IRAG2: variants seen among roughly 807,000 people sequenced by gnomAD.
IRAG2 encodes the protein lymphoid restricted membrane protein.
Under a neutral mutation model 69.9 loss-of-function variants are expected in IRAG2, and 45 were observed. That is an observed-to-expected ratio of 0.64 (90% confidence interval 0.51 to 0.83). The LOEUF is 0.83. IRAG2 is among the 40% of genes least tolerant of loss of function. IRAG2 has a pLI of 0.00. For synonymous variants in IRAG2, 193 were observed against 202.4 expected, an observed-to-expected ratio of 0.95 and a Z score of 0.40; for missense variants, 520 against 587.0, an observed-to-expected ratio of 0.89 and a Z score of 1.18.
exon 1 of IRAG2, chr12:25,004,901 C>A (rs1591920522): frequency 8.1e-7 from 1 of 1,230,978 alleles, no homozygotes; most frequent in East Asian, 3.2e-5. Context: ...AAAAAATTAT[C>A]TCTGAATGAA....
Position 25,035,695 on chromosome 12 carries a change from T to C in IRAG2, c.1786T>C (p.Ser596Pro), listed in dbSNP as rs41347844. 4.6e-3 allele frequency: 1,847 copies of C among 398,984 alleles called. 31 individuals carry two copies. The highest frequency in any genetic ancestry group is 0.034 in the African/African-American group (1,649 of 48,714). 24.7% of individuals were successfully genotyped at this position (398,984 alleles called of 1,614,324 possible). The stretch of plus-strand genomic sequence containing the variant: ...GCAGCACAATGTAATCAACTTGTCA[T>C]CTCTGGACGCCATGATGGATCAGGA... Residue 596 changes from serine to proline, a missense_variant, in exon 14 of 39, where the codon TCT (serine) becomes CCT (proline). Ser to Pro is a moderately conservative substitution (Grantham distance 74). Coordinates refer to the IRAG2 transcript ENST00000636465.
chr12:25,046,729 T>C (rs1944797882), intron 16 of IRAG2, among the ~76,000 whole-genome samples: 1 of 152,162 alleles, frequency 6.6e-6, no homozygotes. Context: ...GAAGAGATCA[T>C]GTTGTTTAAA....
chr12:25,076,287 T>A, intron 6 of IRAG2: 2 of 464,338 alleles, frequency 4.3e-6, no homozygotes, highest in South Asian at 1.9e-4. Flanking sequence ...AAATGGCTAC[T>A]AAACATAGGC....
chr12:25,084,542 T>G (rs1406079896), intron 10 of IRAG2, among the ~76,000 whole-genome samples: 10 of 131,332 alleles, frequency 7.6e-5, no homozygotes, highest in Non-Finnish European at 1.1e-4. Flanking sequence ...CATGGAGGGG[T>G]GTGTGTGTGT....
chr12:25,054,126 A>C (rs1486297537), intron 1 of IRAG2, among the ~76,000 whole-genome samples: 1 of 152,028 alleles, frequency 6.6e-6, no homozygotes, highest in Non-Finnish European at 1.5e-5. Context: ...TATTCAACAT[A>C]TTATTGTCAT....
chr12:25,091,536 A>C (rs1201694204), intron 14 of IRAG2, among the ~76,000 whole-genome samples: 21 of 152,164 alleles, frequency 1.4e-4, no homozygotes, highest in Admixed American at 1.4e-3. Context: ...GGCTATTGTG[A>C]ATAGTGCTGT....
chr12:25,015,373 G>C, exon 5 of IRAG2: 1 of 1,231,956 alleles, frequency 8.1e-7, no homozygotes, highest in East Asian at 3.2e-5. Context: ...AGATATAACA[G>C]ATTCTACATT....
intron 15 of IRAG2, among the ~76,000 whole-genome samples, chr12:25,037,460 G>A (rs781126761): frequency 4.6e-5 from 7 of 151,898 alleles, no homozygotes; most frequent in East Asian, 1.9e-4. Context: ...TACCACGCCC[G>A]GCTAATTTTT....
chr12:25,066,368 C>T lies in IRAG2; in HGVS notation c.-203C>T. 2.5e-6 allele frequency: 1 copy of T among 401,038 alleles called. No homozygotes were observed. Among genetic ancestry groups the T allele is most frequent in the Non-Finnish European group, 4.4e-6 (1 of 226,184 alleles). 24.8% of individuals were successfully genotyped at this position (401,038 alleles called of 1,614,324 possible). A position where few individuals can be genotyped will look rare whatever the true frequency, so the allele number is the denominator to read the frequency against. On this transcript the variant is annotated 5_prime_UTR_variant, in exon 5 of 22. Coordinates refer to ENST00000556887, the MANE Select transcript of IRAG2 (RefSeq NM_001366544.2). ...ATTTTTTTCTGTTCTACTGCAGATG[C>T]CTTATCTCTGGATAGTTTTACAGCA... is the stretch of plus-strand genomic sequence containing the variant.
At chr12:25,066,227 G>A in intron 4 of IRAG2, 138 bp from the exon 5 acceptor site, 1 of 386,054 alleles carries the variant, frequency 2.6e-6, no homozygotes. Context: ...TAGGCATCAA[G>A]GGAGTTTATG....
intron 2 of IRAG2, among the ~76,000 whole-genome samples, chr12:25,062,127 C>T (rs1945671298): frequency 1.3e-5 from 2 of 152,044 alleles, no homozygotes; most frequent in Non-Finnish European, 2.9e-5. Context: ...AAGTGTATTT[C>T]CTTCCCTTGT....
intron 9 of IRAG2, among the ~76,000 whole-genome samples, chr12:25,080,098 G>C (rs1026576301): frequency 6.6e-5 from 10 of 152,270 alleles, no homozygotes; most frequent in Admixed American, 1.3e-4. Flanking sequence ...GACATCATCT[G>C]CTTAGGAAAT....
chr12:25,010,308 C>T (rs1248371678), intron 2 of IRAG2, among the ~76,000 whole-genome samples: 1 of 152,142 alleles, frequency 6.6e-6, no homozygotes, highest in East Asian at 1.9e-4. Context: ...GGAATCCCAT[C>T]TGTACAAAAA....
intron 16 of IRAG2, 94 bp from the exon 17 acceptor site, chr12:25,102,104 T>A (rs1948788793): frequency 2.3e-6 from 2 of 876,294 alleles, no homozygotes; most frequent in African/African-American, 3.3e-5. Context: ...TAATATCTTC[T>A]GAATTTTGCT....
At chr12:24,998,685 C>T in the IRAG2 span, among the ~76,000 whole-genome samples, 27 of 151,438 alleles carry the variant, frequency 1.8e-4, no homozygotes, top group African/African-American at 6.4e-4. Context: ...TACACACATA[C>T]TTAAATTTTT....
intron 6 of IRAG2, among the ~76,000 whole-genome samples, chr12:25,073,262 G>A (rs560839644): frequency 6.6e-6 from 1 of 152,276 alleles, no homozygotes; most frequent in South Asian, 2.1e-4. Flanking sequence ...TTGTGTATTA[G>A]GTGATAAAAT....
intron 11 of IRAG2, 77 bp from the exon 12 acceptor site, chr12:25,089,537 A>C (rs1947883504): frequency 1.3e-6 from 1 of 785,192 alleles, no homozygotes; most frequent in Admixed American, 2.5e-5. Flanking sequence ...TGTTTAGTGG[A>C]GATATAACAT....
intron 3 of IRAG2, among the ~76,000 whole-genome samples, chr12:25,014,421 T>G (rs1332973351): frequency 6.6e-6 from 1 of 152,126 alleles, no homozygotes; most frequent in African/African-American, 2.4e-5. Context: ...GTGACAGACA[T>G]CTCACAATGA....
At chr12:25,034,700 G>T (rs777629985) in intron 13 of IRAG2, among the ~76,000 whole-genome samples, 1 of 152,184 alleles carries the variant, frequency 6.6e-6, no homozygotes. Context: ...ATCTGTGGAC[G>T]ATAGATATGT....
Sources: allele counts gnomAD v4.1 joint callset (sites outside exome capture counted in the v4.1 genomes callset), GRCh38; gene constraint gnomAD v4.1.1; transcripts MANE v1.5; gene names NCBI Gene and HGNC (gene_info 2026-07-23, HGNC 2026-07-21).